The following IFRD1 variants were observed in gnomAD, a reference collection of about 807,000 sequenced individuals.
IFRD1 encodes the protein interferon-related developmental regulator 1.
A neutral mutation model predicts 52.9 loss-of-function variants in IFRD1; 35 were observed. That is an observed-to-expected ratio of 0.66 (90% CI 0.51 to 0.88). IFRD1 has a LOEUF of 0.88. Among genes scored for constraint, IFRD1 ranks in the 40% least tolerant of loss-of-function variants. The pLI is 0.00. For missense variants in IFRD1, 517 were observed against 550.8 expected (o/e 0.94, Z 0.61); for synonymous variants, 184 against 188.4 (o/e 0.98, Z 0.19).
intron 1 of IFRD1, chr7:112,451,023 T>A: frequency 1.8e-6 from 1 of 553,700 alleles, no homozygotes; most frequent in Non-Finnish European, 3.3e-6. Context: ...GAGGAACGGG[T>A]CCTTGGGCCT....
chr7:112,428,106 A>G (rs538435344), intron 1 of IFRD1, among the ~76,000 whole-genome samples: 1 of 152,352 alleles, frequency 6.6e-6, no homozygotes, highest in South Asian at 2.1e-4. Flanking sequence ...GAGGTCAGTC[A>G]GGAACCAAAA....
At chr7:112,470,742 C>T (rs138168494) in intron 9 of IFRD1, among the ~76,000 whole-genome samples, 10 of 152,048 alleles carry the variant, frequency 6.6e-5, no homozygotes, top group African/African-American at 1.4e-4. Context: ...AACCTATGCA[C>T]GTATACTTTA....
In IFRD1 at chr7:112,475,426, T is replaced by G; in HGVS notation, c.1267-4T>G. The G allele has an allele frequency of 6.3e-7, 1 of 1,591,326 alleles. No individual in the cohort carries two copies. The highest frequency in any genetic ancestry group is 8.6e-7 in the Non-Finnish European group (1 of 1,160,170). On this transcript the variant is annotated splice_polypyrimidine_tract_variant and splice_region_variant and intron_variant, in intron 11 of 11. Coordinates refer to ENST00000403825, the MANE Select transcript of IFRD1 (RefSeq NM_001550.4). ...ATGCACGTTTTTCCTTTTTTTCATT[T>G]TAGCATTTATATAACTCTGCAGCCT...
At chr7:112,454,483 G>T (rs569699662) in intron 1 of IFRD1, among the ~76,000 whole-genome samples, 1 of 152,078 alleles carries the variant, frequency 6.6e-6, no homozygotes, top group African/African-American at 2.4e-5. Context: ...GTGAGCCACC[G>T]CACCCGGCCA....
At chr7:112,448,918 A>G (rs1254415340), upstream of IFRD1, among the ~76,000 whole-genome samples, 1 of 152,216 alleles carries the variant, frequency 6.6e-6, no homozygotes, top group African/African-American at 2.4e-5. Flanking sequence ...AGGAGAAGAG[A>G]GCCGTGTATT....
At chr7:112,473,990 T>C (rs36095669) in intron 11 of IFRD1, among the ~76,000 whole-genome samples, 70,506 of 152,082 alleles carry the variant, frequency 0.46, 16,805 homozygotes, top group Non-Finnish European at 0.51. Context: ...TGGAGTTATA[T>C]AGCATGCAAC....
At position 112,459,037 on chromosome 7, in the gene IFRD1, C is replaced by G; in HGVS notation, c.567+19C>G. 2.5e-6 allele frequency: 4 copies of G among 1,601,050 alleles called. No homozygotes were observed. The highest frequency in any genetic ancestry group is 3.4e-6 in the Non-Finnish European group (4 of 1,169,508). ...GCAAACTGTAAGTATAAGATATTTA[C>G]ATTTATAGATCTGTCTATTCATGAC... On this transcript the variant is annotated intron_variant, in intron 5 of 11. Transcript: ENST00000403825.
chr7:112,452,769 T>TC (rs1795197104), intron 1 of IFRD1, among the ~76,000 whole-genome samples: 1 of 152,232 alleles, frequency 6.6e-6, no homozygotes, highest in Non-Finnish European at 1.5e-5. Flanking sequence ...TGCTGCTACC[T>TC]TTTCACTATT....
intron 1 of IFRD1, chr7:112,450,991 G>A (rs1795148320): frequency 3.4e-6 from 2 of 594,628 alleles, no homozygotes; most frequent in South Asian, 3.8e-5. Context: ...CCGGACTCTT[G>A]GGCACCGGCC....
intron 1 of IFRD1, among the ~76,000 whole-genome samples, chr7:112,430,644 G>A (rs188266417): frequency 2.6e-5 from 4 of 152,238 alleles, no homozygotes; most frequent in African/African-American, 7.2e-5. Context: ...ATAAACCTTC[G>A]TGAGCCCATG....
upstream of IFRD1, among the ~76,000 whole-genome samples, chr7:112,447,568 G>A (rs1310568153): frequency 4.6e-5 from 7 of 152,320 alleles, no homozygotes; most frequent in Non-Finnish European, 1.0e-4. Flanking sequence ...TCAACATGTA[G>A]GTGGAAGTTT....
intron 1 of IFRD1, chr7:112,452,574 G>T: frequency 2.4e-6 from 1 of 424,124 alleles, no homozygotes; most frequent in Non-Finnish European, 3.2e-6. Flanking sequence ...GCTAAAGTTT[G>T]AAAGTTATAA....
chr7:112,429,865 C>T (rs1794509389), intron 1 of IFRD1, among the ~76,000 whole-genome samples: 1 of 152,180 alleles, frequency 6.6e-6, no homozygotes, highest in South Asian at 2.1e-4. Context: ...CTTATAAGAG[C>T]ATAACTCATG....
Position 112,475,604 on chromosome 7 carries a change from T to A in IFRD1, c.*85T>A. The A allele has an allele frequency of 1.3e-6, 1 of 791,456 alleles. No homozygotes were observed. The highest frequency in any genetic ancestry group is 2.1e-6 in the Non-Finnish European group (1 of 474,070). The allele number at this position is 791,456 out of a possible 1,614,324, so 49.0% of individuals were successfully genotyped here. A position where few individuals can be genotyped will look rare whatever the true frequency, so the allele number is the denominator to read the frequency against. On this transcript the variant is annotated 3_prime_UTR_variant, in exon 12 of 12. Transcript: ENST00000403825. ...TAAACTCTAGACACAGTTTTTATCC[T>A]GGATTAACTTAGATAACTTTTGTAG...
chr7:112,465,164 T>C (rs1383592274), intron 8 of IFRD1, among the ~76,000 whole-genome samples: 2 of 152,128 alleles, frequency 1.3e-5, no homozygotes, highest in Non-Finnish European at 2.9e-5. Context: ...TTCCAAAGTG[T>C]TGGGATTATA....
intron 1 of IFRD1, among the ~76,000 whole-genome samples, chr7:112,429,320 C>T (rs1444669212): frequency 6.6e-6 from 1 of 152,190 alleles, no homozygotes; most frequent in Non-Finnish European, 1.5e-5. Context: ...TTGGGCACAT[C>T]CAGCATGTGA....
Position 112,458,983 on chromosome 7 carries a change from T to G in IFRD1, c.532T>G (p.Cys178Gly). 6.2e-7 allele frequency: 1 copy of G among 1,613,988 alleles called. No individual in the cohort carries two copies. The highest frequency in any genetic ancestry group is 8.5e-7 in the Non-Finnish European group (1 of 1,179,894). Residue 178 changes from cysteine to glycine, a missense_variant, in exon 5 of 12, where the codon TGT (cysteine) becomes GGT (glycine). By Grantham distance (159) the Cys-to-Gly change is radical. Coordinates refer to ENST00000403825, the MANE Select transcript of IFRD1 (RefSeq NM_001550.4). ...TGGACCAATCCTAAAGAAAATCATT[T>G]GTGATGGGTCAGCTAGTATGCAGGC... ...TLGPILKKIICDGSASMQARQ... is the reference protein window; with the variant it reads ...TLGPILKKIIGDGSASMQARQ...
chr7:112,459,383 T>G (rs1045656112), intron 5 of IFRD1, among the ~76,000 whole-genome samples: 2 of 152,178 alleles, frequency 1.3e-5, no homozygotes, highest in African/African-American at 4.8e-5. Flanking sequence ...TTTTGGGTTT[T>G]GGGGGTTTTA....
intron 1 of IFRD1, among the ~76,000 whole-genome samples, chr7:112,428,752 T>C (rs896358477): frequency 2.6e-5 from 4 of 152,190 alleles, no homozygotes; most frequent in Non-Finnish European, 2.9e-5. Flanking sequence ...TGAATCTGTA[T>C]TCTTTTTCTT....
Sources: gnomAD v4.1 joint callset for allele counts (sites outside exome capture counted in the v4.1 genomes callset) on GRCh38, gnomAD v4.1.1 for gene constraint, MANE v1.5 for transcripts, NCBI Gene and HGNC (gene_info 2026-07-23, HGNC 2026-07-21) for gene names.